ULK2: variants seen among roughly 807,000 people sequenced by gnomAD.
ULK2 encodes the protein unc-51 like autophagy activating kinase 2.
ULK2 carries 76 observed loss-of-function variants against 127.5 expected under a neutral mutation model. That is an observed-to-expected ratio of 0.60 (90% CI 0.50 to 0.72). The LOEUF is 0.72. Among genes scored for constraint, ULK2 ranks in the 30% least tolerant of loss-of-function variants. The pLI, the probability that ULK2 is intolerant of heterozygous loss-of-function variation, is 0.00. For synonymous variants in ULK2, 452 were observed against 461.9 expected, an observed-to-expected ratio of 0.98 and a Z score of 0.28; for missense variants, 1,144 against 1,295.9, an observed-to-expected ratio of 0.88 and a Z score of 1.80.
intron 17 of ULK2, among the ~76,000 whole-genome samples, chr17:19,799,012 T>C (rs1245819065): frequency 3.3e-5 from 5 of 151,830 alleles, no homozygotes; most frequent in African/African-American, 9.7e-5. Context: ...AATACAAAAA[T>C]TAGCCGGGCA....
At chr17:19,798,493 C>T (rs922190985) in intron 17 of ULK2, among the ~76,000 whole-genome samples, 3 of 152,118 alleles carry the variant, frequency 2.0e-5, no homozygotes, top group Admixed American at 6.5e-5. Context: ...ATATAAAGGG[C>T]GTGCAAATAT....
chr17:19,826,508 G>GC (rs2041300308), intron 10 of ULK2, among the ~76,000 whole-genome samples: 2 of 152,150 alleles, frequency 1.3e-5, no homozygotes, highest in Non-Finnish European at 2.9e-5. Context: ...CCAGTGGACA[G>GC]CCCCACAGGA....
chr17:19,827,319 A>G (rs984399579), intron 10 of ULK2, among the ~76,000 whole-genome samples: 1 of 152,178 alleles, frequency 6.6e-6, no homozygotes, highest in Non-Finnish European at 1.5e-5. Flanking sequence ...CACAAAGGCC[A>G]TGTTTCTTGT....
intron 4 of ULK2, among the ~76,000 whole-genome samples, 165 bp from the exon 5 acceptor site, chr17:19,849,570 A>T (rs2041968051): frequency 6.6e-6 from 1 of 152,152 alleles, no homozygotes; most frequent in Admixed American, 6.6e-5. Flanking sequence ...CCTTGAGTAG[A>T]ATCTAGATCA....
chr17:19,799,853 T>A (rs1323234115), intron 16 of ULK2, among the ~76,000 whole-genome samples: 1 of 152,216 alleles, frequency 6.6e-6, no homozygotes, highest in African/African-American at 2.4e-5. Flanking sequence ...GGTATGTCCA[T>A]AAGACAGGTA....
chr17:19,826,402 A>G (rs548354512), intron 10 of ULK2, among the ~76,000 whole-genome samples: 4 of 152,130 alleles, frequency 2.6e-5, no homozygotes, highest in African/African-American at 7.2e-5. Flanking sequence ...ATCAATAACA[A>G]ATTTTAAATA....
At chr17:19,783,563 A>G in intron 22 of ULK2, 134 bp downstream of exon 22, 1 of 882,614 alleles carries the variant, frequency 1.1e-6, no homozygotes, top group East Asian at 3.0e-5. Flanking sequence ...CATCAGCAAT[A>G]CTTTTCAAAC....
At position 19,837,263 on chromosome 17, in the gene ULK2, T is replaced by A. The variant is rs1008807448; in HGVS notation, c.787+1238A>T. Among the ~76,000 whole-genome samples, 10 of 151,114 alleles carry A rather than the reference T, an allele frequency of 6.6e-5. No individual in the cohort carries two copies. The East Asian group carries it at 2.0e-3, about 30-fold the overall frequency. Reference sequence around the variant, plus strand: ...CGAAACCCTGTCTCTACAAAAAAAATACAAAAACTAGCCAGAGGTGGTGTT... The same window carrying A: ...CGAAACCCTGTCTCTACAAAAAAAAAACAAAAACTAGCCAGAGGTGGTGTT... On this transcript the variant is annotated intron_variant, in intron 10 of 26. Coordinates refer to ENST00000395544, the MANE Select transcript of ULK2 (RefSeq NM_014683.4).
At position 19,786,161 on chromosome 17, in the gene ULK2, T is replaced by TA. The variant is rs2087026991; in HGVS notation, c.2102-76dup. On this transcript the variant is annotated intron_variant, in intron 20 of 26. Transcript: ENST00000395544. ...TCTGGGAGATGGGATTGCAGGGGGA[T>TA]ACTGACTTTTATATCAGGAGTCTAG... 15 of 1,422,440 alleles carry TA rather than the reference T, an allele frequency of 1.1e-5. No homozygotes were observed. The East Asian group carries it at 4.1e-4, about 39-fold the overall frequency. 88.1% of individuals were successfully genotyped at this position (1,422,440 alleles called of 1,614,324 possible). A position where few individuals can be genotyped will look rare whatever the true frequency, so the allele number is the denominator to read the frequency against.
At position 19,867,335 on chromosome 17, in the gene ULK2, T is replaced by G; in HGVS notation, c.83A>C (p.His28Pro). 1 of 1,594,626 alleles carries G rather than the reference T, an allele frequency of 6.3e-7. No homozygotes were observed. The highest frequency in any genetic ancestry group is 8.5e-7 in the Non-Finnish European group (1 of 1,172,682). ...GAFAVVFRGR[H>P]RQKTDWEVAI... ...GCCCCGGCCGGCGCTCACCTGGCGG[T>G]GCCGCCCCCGGAAGACCACGGCGAA... The change falls in exon 1 of 27, where the codon CAC becomes CCC. Residue 28 changes from histidine to proline, a missense_variant. Physicochemically the swap from His to Pro is moderately conservative, Grantham distance 77 (BLOSUM62 -2). This residue lies in a region of ULK2 where 231 missense variants were observed against 325.4 expected (regional missense o/e 0.71). Coordinates refer to ENST00000395544, the MANE Select transcript of ULK2 (RefSeq NM_014683.4).
chr17:19,845,251 C>A, intron 7 of ULK2, 53 bp downstream of exon 7: 3 of 1,478,346 alleles, frequency 2.0e-6, no homozygotes, highest in Non-Finnish European at 1.9e-6. Context: ...ATTTAAATTC[C>A]AATGATTATG....
chr17:19,824,216 G>A (rs2041231934), intron 12 of ULK2, among the ~76,000 whole-genome samples: 1 of 152,048 alleles, frequency 6.6e-6, no homozygotes, highest in South Asian at 2.1e-4. Context: ...AGGCCAAGGC[G>A]GGCAGATCAC....
intron 10 of ULK2, among the ~76,000 whole-genome samples, chr17:19,826,952 G>A (rs1256410212): frequency 1.7e-4 from 25 of 145,444 alleles, no homozygotes; most frequent in East Asian, 1.2e-3. Flanking sequence ...GCGAGACTCC[G>A]TCTCAAAAAA....
chr17:19,823,257 T>A (rs117500794), intron 12 of ULK2, among the ~76,000 whole-genome samples: 1 of 151,202 alleles, frequency 6.6e-6, no homozygotes, highest in Admixed American at 6.6e-5. Flanking sequence ...TTTTAACATC[T>A]AAAAAAGACT....
At chr17:19,857,170 G>C (rs566881480) in intron 3 of ULK2, among the ~76,000 whole-genome samples, 1 of 151,916 alleles carries the variant, frequency 6.6e-6, no homozygotes, top group Non-Finnish European at 1.5e-5. Flanking sequence ...GCCAGGTGTG[G>C]TGGCGGGGCG....
intron 3 of ULK2, among the ~76,000 whole-genome samples, chr17:19,863,796 T>C (rs537569522): frequency 6.6e-6 from 1 of 152,210 alleles, no homozygotes; most frequent in South Asian, 2.1e-4. Flanking sequence ...CCAAGAGTAA[T>C]TTTGACTATA....
rs575907958 is a variant in ULK2, at chr17:19,810,734, C to T, written c.1097-296G>A. On this transcript the variant is annotated intron_variant, in intron 13 of 26. Transcript: ENST00000395544. ...TTCTTCCCCATTAAACATGCAAAAA[C>T]TGTGCTGTTTTTATCAGGTTCCTTT... 4.0e-5 allele frequency among the ~76,000 whole-genome samples: 6 copies of T among 151,810 alleles called. No homozygotes were observed. The South Asian group carries it at 1.2e-3, about 31-fold the overall frequency.
intron 6 of ULK2, among the ~76,000 whole-genome samples, chr17:19,846,051 G>A (rs2041873187): frequency 6.6e-6 from 1 of 152,182 alleles, no homozygotes; most frequent in African/African-American, 2.4e-5. Flanking sequence ...TCTTGAACCT[G>A]GGAGGCAGAG....
intron 10 of ULK2, among the ~76,000 whole-genome samples, chr17:19,834,269 A>T (rs2041535956): frequency 1.3e-5 from 2 of 152,188 alleles, no homozygotes; most frequent in Admixed American, 1.3e-4. Context: ...AAATAATGAC[A>T]TTCCCAGATA....
Sources: gnomAD v4.1 joint callset for allele counts (sites outside exome capture counted in the v4.1 genomes callset) on GRCh38, gnomAD v4.1.1 for gene constraint, gnomAD v4.1.1 regional missense constraint, MANE v1.5 for transcripts, NCBI Gene and HGNC (gene_info 2026-07-23, HGNC 2026-07-21) for gene names.